The following RBFOX1 variants were observed in gnomAD, a reference collection of about 807,000 sequenced individuals.
RBFOX1 encodes RNA binding protein fox-1 homolog 1.
A neutral mutation model predicts 57.7 loss-of-function variants in RBFOX1; 8 were observed. That is an observed-to-expected ratio of 0.14 (90% CI 0.08 to 0.25). The LOEUF (loss-of-function observed/expected upper bound fraction) is 0.25, where lower values mean the gene tolerates loss of function less well. RBFOX1 is among the 10% of genes least tolerant of loss of function. The probability of loss-of-function intolerance (pLI) is 1.00; values close to 1 mark genes in which losing one functional copy is unlikely to be tolerated. For missense variants in RBFOX1, 611 were observed against 548.5 expected, an observed-to-expected ratio of 1.11 and a Z score of -1.14; for synonymous variants, 326 against 222.4, an observed-to-expected ratio of 1.47 and a Z score of -4.15.
At chr16:7,183,449 A>C (rs138393777) in intron 4 of RBFOX1, among the ~76,000 whole-genome samples, 2 of 152,166 alleles carry the variant, frequency 1.3e-5, no homozygotes, top group Non-Finnish European at 2.9e-5. Context: ...TTATTTCTCT[A>C]TTGTTATTAA....
chr16:6,693,477 C>A (rs372301404), intron 3 of RBFOX1, among the ~76,000 whole-genome samples: 1 of 151,836 alleles, frequency 6.6e-6, no homozygotes, highest in Non-Finnish European at 1.5e-5. Flanking sequence ...CCATCATCCT[C>A]CTCCACTACC....
intron 3 of RBFOX1, among the ~76,000 whole-genome samples, chr16:5,741,333 A>G (rs12051184): frequency 0.27 from 41,489 of 152,114 alleles, 6,198 homozygotes; most frequent in East Asian, 0.57. Flanking sequence ...TCCCAAGGCA[A>G]AGGGTCATTA....
At chr16:6,312,043 C>G (rs966900685) in intron 1 of RBFOX1, among the ~76,000 whole-genome samples, 1 of 152,172 alleles carries the variant, frequency 6.6e-6, no homozygotes, top group Admixed American at 6.5e-5. Flanking sequence ...CTGATGTGAT[C>G]AAGATACAGT....
intron 3 of RBFOX1, among the ~76,000 whole-genome samples, chr16:7,019,272 A>C (rs10468318): frequency 0.05 from 7,613 of 152,156 alleles, 649 homozygotes; most frequent in African/African-American, 0.17. Flanking sequence ...TTGAGAAAAA[A>C]ACAGGTAGAT....
At chr16:5,928,017 G>T (rs577345166) in intron 4 of RBFOX1, among the ~76,000 whole-genome samples, 110 of 152,324 alleles carry the variant, frequency 7.2e-4, no homozygotes, top group Middle Eastern at 3.4e-3. Context: ...TTAGTGATCT[G>T]TGGCAGGGCA....
Position 5,903,833 on chromosome 16 carries a change from G to A in RBFOX1, c.351+36498G>A, listed in dbSNP as rs184308772. 3.5e-3 allele frequency among the ~76,000 whole-genome samples: 533 copies of A among 152,238 alleles called. 3 individuals carry two copies. Among genetic ancestry groups the A allele is most frequent in the African/African-American group, 0.012 (514 of 41,546 alleles). On this transcript the variant is annotated intron_variant, in intron 4 of 19. Coordinates refer to the RBFOX1 transcript ENST00000641259. ...CCCTGAATTGACCAGTTTTCATTGC[G>A]AGGGACCATAGGAAAGCAGATGCGG...
At chr16:7,251,562 C>T (rs931751424) in intron 4 of RBFOX1, among the ~76,000 whole-genome samples, 8 of 152,018 alleles carry the variant, frequency 5.3e-5, no homozygotes, top group Admixed American at 1.3e-4. Flanking sequence ...ACGTGTCTCC[C>T]CTCGCCGCCA....
intron 1 of RBFOX1, among the ~76,000 whole-genome samples, chr16:5,348,130 CTATCCATCCACCCATG>C (rs373589990): frequency 2.0e-4 from 30 of 151,286 alleles, no homozygotes; most frequent in African/African-American, 7.1e-4. Context: ...ATCCACCCAC[CTATCCATCCACCCATG>C]TATCCATCCA....
chr16:6,540,330 C>G (rs1189565043), intron 2 of RBFOX1, among the ~76,000 whole-genome samples: 2 of 150,886 alleles, frequency 1.3e-5, no homozygotes, highest in African/African-American at 4.9e-5. Context: ...AAACTCAACT[C>G]AGGCCTAGCG....
chr16:7,631,417 A>G (rs974664306), intron 11 of RBFOX1, among the ~76,000 whole-genome samples: 1 of 152,198 alleles, frequency 6.6e-6, no homozygotes, highest in Non-Finnish European at 1.5e-5. Context: ...AGGATGCCCT[A>G]TCCTCACCCC....
intron 4 of RBFOX1, among the ~76,000 whole-genome samples, chr16:7,508,682 A>G (rs1180896286): frequency 6.6e-6 from 1 of 152,146 alleles, no homozygotes; most frequent in Non-Finnish European, 1.5e-5. Flanking sequence ...TAGAGCTGGG[A>G]ATTAAAAAGA....
chr16:6,612,685 C>G (rs910113087), intron 2 of RBFOX1, among the ~76,000 whole-genome samples: 3 of 151,812 alleles, frequency 2.0e-5, no homozygotes, highest in Admixed American at 2.0e-4. Flanking sequence ...AACCCCTCCT[C>G]TACTAAAAAT....
At chr16:6,058,767 A>C (rs559224153) in intron 1 of RBFOX1, among the ~76,000 whole-genome samples, 2 of 150,604 alleles carry the variant, frequency 1.3e-5, no homozygotes, top group Non-Finnish European at 3.0e-5. Context: ...TCATCCATTC[A>C]TTCACCCACC....
intron 2 of RBFOX1, among the ~76,000 whole-genome samples, chr16:6,507,563 C>A (rs564304367): frequency 2.7e-5 from 4 of 149,962 alleles, no homozygotes; most frequent in African/African-American, 9.8e-5. Context: ...TTCCAGCTAC[C>A]CCCAGGCTGA....
chr16:7,495,132 C>T (rs2068193263), intron 4 of RBFOX1, among the ~76,000 whole-genome samples: 2 of 152,174 alleles, frequency 1.3e-5, no homozygotes, highest in Non-Finnish European at 2.9e-5. Flanking sequence ...ATCCATGTTG[C>T]TGCAAAGACA....
At chr16:5,279,930 C>G (rs955196361) in intron 1 of RBFOX1, among the ~76,000 whole-genome samples, 8 of 152,152 alleles carry the variant, frequency 5.3e-5, no homozygotes, top group African/African-American at 1.9e-4. Flanking sequence ...CCTTTTATTT[C>G]TTTATCTTGT....
At chr16:5,394,636 G>A (rs906743547) in intron 1 of RBFOX1, among the ~76,000 whole-genome samples, 7 of 146,578 alleles carry the variant, frequency 4.8e-5, no homozygotes, top group African/African-American at 1.3e-4. Context: ...GTCATGGCTC[G>A]CTGCATTCTC....
intron 1 of RBFOX1, among the ~76,000 whole-genome samples, chr16:6,113,829 T>C (rs2096470542): frequency 6.6e-6 from 1 of 152,216 alleles, no homozygotes; most frequent in South Asian, 2.1e-4. Flanking sequence ...CTGTGTCTTT[T>C]TACATCTGTT....
chr16:7,018,856 C>G (rs1019273891), intron 3 of RBFOX1, among the ~76,000 whole-genome samples: 1 of 151,782 alleles, frequency 6.6e-6, no homozygotes, highest in Non-Finnish European at 1.5e-5. Context: ...CAGTGGCTGA[C>G]GACTGTAATC....
Sources: gnomAD v4.1 joint callset for allele counts (sites outside exome capture counted in the v4.1 genomes callset) on GRCh38, gnomAD v4.1.1 for gene constraint, MANE v1.5 for transcripts, NCBI Gene and HGNC (gene_info 2026-07-23, HGNC 2026-07-21) for gene names.